RORC: variants seen among roughly 807,000 people sequenced by gnomAD.
RORC encodes the protein RAR related orphan receptor C, also known as nuclear receptor ROR-gamma.
Under a neutral mutation model 64.5 loss-of-function variants are expected in RORC, and 13 were observed. The observed-to-expected ratio is 0.20, with a 90% CI of 0.13 to 0.32. The LOEUF (loss-of-function observed/expected upper bound fraction) is 0.32, where lower values mean the gene tolerates loss of function less well. Ranked by LOEUF, RORC falls within the 10% of genes least tolerant of loss-of-function variation. The pLI, the probability that RORC is intolerant of heterozygous loss-of-function variation, is 1.00. For missense variants in RORC, 468 were observed against 669.5 expected (o/e 0.70, Z 3.32); for synonymous variants, 277 against 259.3 (o/e 1.07, Z -0.65).
At chr1:151,829,946 C>T (rs1236082759) in intron 1 of RORC, among the ~76,000 whole-genome samples, 2 of 152,186 alleles carry the variant, frequency 1.3e-5, no homozygotes, top group Non-Finnish European at 2.9e-5. Flanking sequence ...ATTGTAAAGC[C>T]CTGTGAAGGC....
Position 151,813,710 on chromosome 1 carries a change from G to T in RORC, c.934-90C>A. The T allele has an allele frequency of 1.7e-5, 25 of 1,455,572 alleles. 1 individual carries two copies. The South Asian group carries it at 3.2e-4, about 19-fold the overall frequency. The allele number at this position is 1,455,572 out of a possible 1,614,324, so 90.2% of individuals were successfully genotyped here. A position where few individuals can be genotyped will look rare whatever the true frequency, so the allele number is the denominator to read the frequency against. On this transcript the variant is annotated intron_variant, in intron 6 of 10. Transcript: ENST00000318247. ...GGAGCCCCACCTAATAAACTGCAAG[G>T]GGTAGGCTCTGAACTCCTATGTTCT...
intron 2 of RORC, among the ~76,000 whole-genome samples, chr1:151,828,480 G>A (rs564695990): frequency 6.6e-6 from 1 of 152,300 alleles, no homozygotes; most frequent in East Asian, 1.9e-4. Flanking sequence ...CGTCCACTGG[G>A]AAGTCCTCTC....
chr1:151,816,727 T>G lies in RORC; in HGVS notation c.235A>C (p.Ser79Arg). 6.2e-7 allele frequency: 1 copy of G among 1,602,188 alleles called. No individual in the cohort carries two copies. Among genetic ancestry groups the G allele is most frequent in the Non-Finnish European group, 8.5e-7 (1 of 1,174,158 alleles). Reference sequence around the variant, plus strand: ...CGGCAGTGCTGGCATCGGTTTCGGCTGGTGCGGTCGATGGGGCAGTTCTGC... The same window carrying G: ...CGGCAGTGCTGGCATCGGTTTCGGCGGGTGCGGTCGATGGGGCAGTTCTGC... ...RQQNCPIDRTSRNRCQHCRLQ... is the reference protein window; with the variant it reads ...RQQNCPIDRTRRNRCQHCRLQ... The change falls in exon 4 of 11, where the codon AGC becomes CGC. Residue 79 changes from serine (S) to arginine (R), a missense_variant. Around this residue, in one of 5 missense-constraint regions of RORC, gnomAD observed 241 missense variants for 295.5 expected, o/e 0.82. Transcript: ENST00000318247.
rs189753069 is a variant in RORC, at chr1:151,828,535, G to T, written c.70+894C>A. ...TACCTGCTGTAGTCTGGCTTTCAGG[G>T]CCCCAGGACACAGAGTGCCCCTGTC... On this transcript the variant is annotated intron_variant, in intron 2 of 10. Coordinates refer to ENST00000318247, the MANE Select transcript of RORC (RefSeq NM_005060.4). Among the ~76,000 whole-genome samples, 6 of 152,226 alleles carry T rather than the reference G, an allele frequency of 3.9e-5. No homozygotes were observed. The East Asian group carries it at 1.2e-3, about 30-fold the overall frequency.
At chr1:151,813,904 T>A in intron 6 of RORC, 1 of 401,074 alleles carries the variant, frequency 2.5e-6, no homozygotes, top group Non-Finnish European at 4.6e-6. Context: ...CTCGTTGAGG[T>A]GAACAGGACA....
At chr1:151,812,768 A>C in intron 9 of RORC, 179 bp downstream of exon 9, 1 of 529,362 alleles carries the variant, frequency 1.9e-6, no homozygotes, top group Non-Finnish European at 3.4e-6. Context: ...TCCCTCTCTG[A>C]GAGTCCTCTG....
At chr1:151,813,123 T>G in intron 8 of RORC, 66 bp from the exon 9 acceptor site, 1 of 1,463,800 alleles carries the variant, frequency 6.8e-7, no homozygotes, top group Admixed American at 1.7e-5. Context: ...GACACCGCCC[T>G]TATTGTGTTT....
At chr1:151,808,140 T>A (rs1395086713) in intron 10 of RORC, among the ~76,000 whole-genome samples, 1 of 152,222 alleles carries the variant, frequency 6.6e-6, no homozygotes, top group African/African-American at 2.4e-5. Flanking sequence ...TGGTCCAATT[T>A]GTCTGCCTTC....
chr1:151,829,107 G>A (rs1224194243), intron 2 of RORC, among the ~76,000 whole-genome samples: 3 of 141,042 alleles, frequency 2.1e-5, no homozygotes, highest in Non-Finnish European at 4.5e-5. Flanking sequence ...TCCCCGGCCT[G>A]GCAGTCGGCC....
At chr1:151,808,309 A>G (rs1041828177) in intron 10 of RORC, among the ~76,000 whole-genome samples, 4 of 152,274 alleles carry the variant, frequency 2.6e-5, no homozygotes, top group African/African-American at 9.6e-5. Flanking sequence ...CAATGCTGCC[A>G]GCACTCAGCC....
At position 151,806,423 on chromosome 1, in the gene RORC, T is replaced by C. The variant is rs9826; in HGVS notation, c.*1049A>G. 0.3 allele frequency: 46,063 copies of C among 153,356 alleles called. 7,758 individuals carry two copies. The highest frequency in any genetic ancestry group is 0.44 in the Middle Eastern group (130 of 296). 9.5% of individuals were successfully genotyped at this position (153,356 alleles called of 1,614,324 possible). A position where few individuals can be genotyped will look rare whatever the true frequency, so the allele number is the denominator to read the frequency against. On this transcript the variant is annotated 3_prime_UTR_variant, in exon 11 of 11. Coordinates refer to ENST00000318247, the MANE Select transcript of RORC (RefSeq NM_005060.4). ...AAGTCCTCCAGGATCTGATCTTGCCTTCCGACTGACCAGTGCGAGCGACTT... is the reference window on the plus strand; with the variant it reads ...AAGTCCTCCAGGATCTGATCTTGCCCTCCGACTGACCAGTGCGAGCGACTT...
At position 151,814,658 on chromosome 1, in the gene RORC, C is replaced by T. The variant is rs754108782; in HGVS notation, c.849G>A (p.Glu283=). The T allele has an allele frequency of 2.5e-6, 4 of 1,613,004 alleles. No homozygotes were observed. In the Admixed American group the frequency reaches 6.7e-5, roughly 27 times the overall value. Residue 283 remains glutamate, a synonymous_variant, in exon 6 of 11, where the codon GAG becomes GAA. Transcript: ENST00000318247. ...GGTCCTCCAGCCGCAGCTGGCATGT[C>T]TCCCTGTAGGACTTGCAGACGCTCT... ...LVQSVCKSYR[E]TCQLRLEDLL...
At chr1:151,815,813 G>A (rs1651733788) in intron 4 of RORC, among the ~76,000 whole-genome samples, 1 of 152,164 alleles carries the variant, frequency 6.6e-6, no homozygotes, top group African/African-American at 2.4e-5. Flanking sequence ...CGGAGGAAGA[G>A]GAGAGCTGAG....
chr1:151,811,550 G>A (rs146494570), intron 9 of RORC, 116 bp from the exon 10 acceptor site: 38 of 591,030 alleles, frequency 6.4e-5, no homozygotes, highest in African/African-American at 3.9e-4. Context: ...TAAGCTGAGC[G>A]CGTGCATGTG....
chr1:151,823,811 A>C (rs1462069204), intron 2 of RORC, among the ~76,000 whole-genome samples: 4 of 152,090 alleles, frequency 2.6e-5, no homozygotes, highest in Non-Finnish European at 1.5e-5. Context: ...CAGCGAATTA[A>C]AAAAAACTTT....
chr1:151,821,340 C>T (rs1048222660), intron 2 of RORC, among the ~76,000 whole-genome samples: 1 of 152,194 alleles, frequency 6.6e-6, no homozygotes, highest in Non-Finnish European at 1.5e-5. Flanking sequence ...TGGGTTCACA[C>T]AGAGAAACCC....
chr1:151,817,741 G>A (rs1263508917), intron 2 of RORC, among the ~76,000 whole-genome samples: 1 of 152,254 alleles, frequency 6.6e-6, no homozygotes, highest in African/African-American at 2.4e-5. Context: ...GGAAGATGTG[G>A]TACACAAGGG....
rs764538520 is a variant in RORC at position 151,813,374 on chromosome 1, G to C, written c.1067-28C>G. 10 of 1,610,432 alleles carry C rather than the reference G, an allele frequency of 6.2e-6. No homozygotes were observed. The Admixed American group carries it at 1.7e-4, about 27-fold the overall frequency. The stretch of plus-strand genomic sequence containing the variant: ...GGGCAGTGGGGAGAGAAGATGCAGG[G>C]ACAGTGTCAAGCAAAGCCAGGATCT... On this transcript the variant is annotated intron_variant, in intron 7 of 10. Coordinates refer to ENST00000318247, the MANE Select transcript of RORC (RefSeq NM_005060.4).
At chr1:151,824,768 T>C (rs576958803) in intron 2 of RORC, among the ~76,000 whole-genome samples, 8 of 152,366 alleles carry the variant, frequency 5.3e-5, no homozygotes, top group East Asian at 1.9e-4. Flanking sequence ...TTTGTTGTTC[T>C]ATCTTAAAAT....
Sources: allele counts gnomAD v4.1 joint callset (sites outside exome capture counted in the v4.1 genomes callset), GRCh38; gene constraint gnomAD v4.1.1; regional missense constraint gnomAD v4.1.1; transcripts MANE v1.5; gene names NCBI Gene and HGNC (gene_info 2026-07-23, HGNC 2026-07-21).